The following AFG2A variants were observed in gnomAD, a reference collection of about 807,000 sequenced individuals.
The protein encoded by AFG2A is ATPase family gene 2 protein homolog A.
the AFG2A span, among the ~76,000 whole-genome samples, chr4:123,192,644 C>G: frequency 1.3e-5 from 2 of 152,188 alleles, no homozygotes; most frequent in African/African-American, 2.4e-5. Context: ...AGTAAGCAGT[C>G]TTTTGTGGTC....
the AFG2A span, among the ~76,000 whole-genome samples, chr4:123,041,931 G>A: frequency 1.3e-5 from 2 of 152,176 alleles, no homozygotes; most frequent in Non-Finnish European, 2.9e-5. Context: ...CTGTGTTTAT[G>A]CTATTAGGTA....
At chr4:123,281,838 CA>C in the AFG2A span, among the ~76,000 whole-genome samples, 1 of 151,968 alleles carries the variant, frequency 6.6e-6, no homozygotes, top group Non-Finnish European at 1.5e-5. Flanking sequence ...GTAGCCAATC[CA>C]AAAAGGCTAC....
the AFG2A span, chr4:122,934,206 G>T: frequency 7.4e-6 from 12 of 1,614,150 alleles, no homozygotes; most frequent in African/African-American, 1.6e-4. Flanking sequence ...TATTGGGAGG[G>T]CCTCAGAGTG....
the AFG2A span, among the ~76,000 whole-genome samples, chr4:123,020,744 A>G: frequency 6.6e-6 from 1 of 152,128 alleles, no homozygotes. Flanking sequence ...GTATTCTATA[A>G]TTCATTTAAT....
At chr4:123,196,740 G>A in the AFG2A span, among the ~76,000 whole-genome samples, 3 of 152,198 alleles carry the variant, frequency 2.0e-5, no homozygotes, top group East Asian at 3.9e-4. Flanking sequence ...GTTTGTTACC[G>A]TTTGATAGTA....
At chr4:123,028,533 A>G in the AFG2A span, 1 of 665,222 alleles carries the variant, frequency 1.5e-6, no homozygotes, top group Admixed American at 2.9e-5. Context: ...TGTTGATGGC[A>G]ATATAATATA....
At chr4:123,153,247 T>C in the AFG2A span, among the ~76,000 whole-genome samples, 1 of 152,216 alleles carries the variant, frequency 6.6e-6, no homozygotes, top group Non-Finnish European at 1.5e-5. Context: ...CATGGGCTTC[T>C]CACAGCATGG....
chr4:123,119,761 A>G, the AFG2A span, among the ~76,000 whole-genome samples: 2 of 152,146 alleles, frequency 1.3e-5, no homozygotes, highest in African/African-American at 4.8e-5. Flanking sequence ...CTTCTGTATT[A>G]GTCCATTCTC....
At chr4:123,060,475 G>A in the AFG2A span, among the ~76,000 whole-genome samples, 2 of 152,178 alleles carry the variant, frequency 1.3e-5, no homozygotes, top group Admixed American at 6.5e-5. Flanking sequence ...CTGCACAACC[G>A]CAGGCTCAAC....
the AFG2A span, among the ~76,000 whole-genome samples, chr4:123,217,132 G>C: frequency 2.2e-4 from 34 of 152,224 alleles, no homozygotes; most frequent in Non-Finnish European, 4.3e-4. Flanking sequence ...CTTTTAACTT[G>C]TTACACACTT....
At chr4:122,971,281 C>T in the AFG2A span, among the ~76,000 whole-genome samples, 1 of 152,002 alleles carries the variant, frequency 6.6e-6, no homozygotes, top group South Asian at 2.1e-4. Context: ...GTGGTATGCA[C>T]CTGTAGTCCC....
the AFG2A span, among the ~76,000 whole-genome samples, chr4:123,161,794 TAA>T: frequency 6.6e-6 from 1 of 152,082 alleles, no homozygotes; most frequent in Non-Finnish European, 1.5e-5. Flanking sequence ...GAAAGAAATA[TAA>T]GACAAGAAGT....
chr4:123,228,217 A>C, the AFG2A span, among the ~76,000 whole-genome samples: 3,539 of 152,228 alleles, frequency 0.023, 71 homozygotes, highest in African/African-American at 0.055. Context: ...TAGCCCATTT[A>C]CATTTAAGGT....
the AFG2A span, among the ~76,000 whole-genome samples, chr4:123,058,430 G>T: frequency 2.6e-4 from 40 of 152,154 alleles, no homozygotes. Flanking sequence ...TTTGAGACTA[G>T]CCTGGCCCAC....
chr4:123,147,022 T>C, the AFG2A span, among the ~76,000 whole-genome samples: 1 of 152,216 alleles, frequency 6.6e-6, no homozygotes, highest in African/African-American at 2.4e-5. Flanking sequence ...TACTGGAAAC[T>C]CCAAGATCTA....
At chr4:122,934,146 A>G in the AFG2A span, 1 of 1,613,950 alleles carries the variant, frequency 6.2e-7, no homozygotes, top group South Asian at 1.1e-5. Flanking sequence ...CATTCTATGG[A>G]CGACCGTACA....
the AFG2A span, among the ~76,000 whole-genome samples, chr4:123,058,464 A>C: frequency 6.6e-6 from 1 of 152,178 alleles, no homozygotes; most frequent in Non-Finnish European, 1.5e-5. Context: ...GTCTCTACTA[A>C]AAATATAGAA....
At chr4:123,251,678 T>C in the AFG2A span, among the ~76,000 whole-genome samples, 1 of 152,136 alleles carries the variant, frequency 6.6e-6, no homozygotes, top group African/African-American at 2.4e-5. Flanking sequence ...TTTTTAAATA[T>C]GTATTTACTG....
chr4:123,218,955 A>G, the AFG2A span, among the ~76,000 whole-genome samples: 1 of 152,232 alleles, frequency 6.6e-6, no homozygotes, highest in Non-Finnish European at 1.5e-5. Flanking sequence ...TTTTCTAGAG[A>G]GACAGATCCA....
Sources: gnomAD v4.1 joint callset for allele counts (sites outside exome capture counted in the v4.1 genomes callset) on GRCh38, gnomAD v4.1.1 for gene constraint, MANE v1.5 for transcripts, NCBI Gene and HGNC (gene_info 2026-07-23, HGNC 2026-07-21) for gene names.